Variants in HTR1E observed in about 807,000 individuals in gnomAD.
HTR1E encodes 5-hydroxytryptamine receptor 1E.
In HTR1E, 3 loss-of-function variants were observed where a neutral mutation model predicts 3.4. The ratio of observed to expected loss-of-function variants is 0.89; its 90% confidence interval spans 0.41 to 2.31. HTR1E has a LOEUF of 2.31. HTR1E is among the 30% of genes most tolerant of loss of function. The probability of loss-of-function intolerance (pLI) is 0.05; values close to 1 mark genes in which losing one functional copy is unlikely to be tolerated. For synonymous variants in HTR1E, 170 were observed against 182.8 expected (o/e 0.93, Z 0.56); for missense variants, 392 against 467.0 (o/e 0.84, Z 1.48).
chr6:86,967,272 A>G (rs1015117026), intron 1 of HTR1E, among the ~76,000 whole-genome samples: 8 of 152,198 alleles, frequency 5.3e-5, no homozygotes, highest in Non-Finnish European at 1.0e-4. Context: ...GTGGTATTTG[A>G]AAGAAGAAAA....
chr6:86,951,371 A>C (rs1029488836), intron 1 of HTR1E, among the ~76,000 whole-genome samples: 4 of 152,168 alleles, frequency 2.6e-5, no homozygotes, highest in African/African-American at 9.7e-5. Flanking sequence ...AGAGCTTTTA[A>C]ATTTTTTGCC....
At chr6:86,986,739 C>T (rs1767794217) in intron 1 of HTR1E, among the ~76,000 whole-genome samples, 1 of 152,042 alleles carries the variant, frequency 6.6e-6, no homozygotes, top group South Asian at 2.1e-4. Flanking sequence ...ATATTAGTAC[C>T]CTATCAAATT....
At chr6:86,963,492 G>C (rs931905083) in intron 1 of HTR1E, among the ~76,000 whole-genome samples, 1 of 152,258 alleles carries the variant, frequency 6.6e-6, no homozygotes, top group East Asian at 1.9e-4. Flanking sequence ...ACAGTGTTTA[G>C]AAAGTCTACA....
intron 1 of HTR1E, among the ~76,000 whole-genome samples, chr6:86,970,037 A>G (rs2127822580): frequency 6.6e-6 from 1 of 152,324 alleles, no homozygotes; most frequent in Non-Finnish European, 1.5e-5. Flanking sequence ...TTATTTCATT[A>G]CTAATAAATT....
At chr6:86,986,916 A>G (rs1195382459) in intron 1 of HTR1E, among the ~76,000 whole-genome samples, 1 of 152,182 alleles carries the variant, frequency 6.6e-6, no homozygotes, top group Non-Finnish European at 1.5e-5. Context: ...GGCCTCTTTC[A>G]TAACCATACT....
At chr6:86,972,166 T>C (rs1430910465) in intron 1 of HTR1E, among the ~76,000 whole-genome samples, 1 of 152,246 alleles carries the variant, frequency 6.6e-6, no homozygotes, top group East Asian at 1.9e-4. Flanking sequence ...AATATTCTCA[T>C]GTTTCAATTG....
chr6:86,956,661 C>A (rs1242108555), intron 1 of HTR1E, among the ~76,000 whole-genome samples: 3 of 152,058 alleles, frequency 2.0e-5, no homozygotes. Flanking sequence ...GTTCTCCGAC[C>A]CTCCTGAAGC....
intron 1 of HTR1E, chr6:87,000,282 A>G (rs895001504): frequency 6.6e-6 from 1 of 152,170 alleles, no homozygotes; most frequent in East Asian, 1.9e-4. Context: ...TCCCAGATCA[A>G]TGACTGCTGA....
intron 1 of HTR1E, among the ~76,000 whole-genome samples, chr6:86,941,598 C>G (rs374600169): frequency 6.6e-6 from 1 of 152,160 alleles, no homozygotes; most frequent in African/African-American, 2.4e-5. Flanking sequence ...GCTATGAAAC[C>G]TAATCCTTCT....
chr6:87,014,349 C>A (rs1040952447), intron 1 of HTR1E, among the ~76,000 whole-genome samples: 2 of 151,772 alleles, frequency 1.3e-5, no homozygotes, highest in Admixed American at 1.3e-4. Context: ...TGCTTTTACA[C>A]TGTTGGTGGG....
intron 1 of HTR1E, among the ~76,000 whole-genome samples, chr6:87,013,869 G>A (rs1402379026): frequency 6.6e-6 from 1 of 152,058 alleles, no homozygotes. Flanking sequence ...AAACATTTAT[G>A]CAACCAACAA....
intron 1 of HTR1E, among the ~76,000 whole-genome samples, chr6:87,011,553 C>A (rs1032553120): frequency 1.1e-4 from 16 of 152,118 alleles, no homozygotes; most frequent in African/African-American, 3.6e-4. Flanking sequence ...AAAGTCTTAG[C>A]AAAACTTTGT....
chr6:87,009,712 C>A (rs867623935), intron 1 of HTR1E, among the ~76,000 whole-genome samples: 5 of 146,004 alleles, frequency 3.4e-5, no homozygotes, highest in Non-Finnish European at 7.5e-5. Flanking sequence ...ACCTCCCTCC[C>A]GGACAGGGCG....
At position 87,016,259 on chromosome 6, in the gene HTR1E, A is replaced by C. The variant is rs1562076730; in HGVS notation, c.925A>C (p.Ile309Leu). 1 of 1,613,232 alleles carries C rather than the reference A, an allele frequency of 6.2e-7. No individual in the cohort carries two copies. ...AFILSWLPFF[I>L]KELIVGLSIY... Reference sequence around the variant, plus strand: ...CATTTTATCCTGGCTGCCATTTTTCATCAAAGAGTTGATTGTGGGTCTGAG... The same window carrying C: ...CATTTTATCCTGGCTGCCATTTTTCCTCAAAGAGTTGATTGTGGGTCTGAG... The change falls in exon 2 of 2, where the codon ATC becomes CTC. Residue 309 changes from isoleucine (I) to leucine (L), a missense_variant. Ile to Leu is a conservative substitution (Grantham distance 5, BLOSUM62 2). Coordinates refer to ENST00000305344, the MANE Select transcript of HTR1E (RefSeq NM_000865.3).
intron 1 of HTR1E, among the ~76,000 whole-genome samples, chr6:86,940,025 G>A (rs1000687702): frequency 6.6e-6 from 1 of 152,146 alleles, no homozygotes; most frequent in Non-Finnish European, 1.5e-5. Flanking sequence ...TTCAGAAGTG[G>A]TGCCTAGGAA....
At chr6:86,987,951 C>A (rs1027293269) in intron 1 of HTR1E, among the ~76,000 whole-genome samples, 16 of 152,262 alleles carry the variant, frequency 1.1e-4, no homozygotes, top group African/African-American at 3.8e-4. Flanking sequence ...CAACACCTGA[C>A]TTTCGGAGAG....
chr6:86,942,810 G>A (rs746961050), intron 1 of HTR1E, among the ~76,000 whole-genome samples: 1 of 152,204 alleles, frequency 6.6e-6, no homozygotes, highest in Non-Finnish European at 1.5e-5. Context: ...TGGAGAACCA[G>A]ACTGTACTGA....
chr6:87,014,496 C>T (rs780966620), intron 1 of HTR1E, among the ~76,000 whole-genome samples: 5 of 152,084 alleles, frequency 3.3e-5, no homozygotes, highest in Non-Finnish European at 7.4e-5. Context: ...ACTCTAAAGA[C>T]ACATGGACAT....
chr6:86,994,687 CA>C (rs1421752940), intron 1 of HTR1E, among the ~76,000 whole-genome samples: 2 of 151,892 alleles, frequency 1.3e-5, no homozygotes, highest in Non-Finnish European at 2.9e-5. Context: ...AGGAAAAAAA[CA>C]GAAAGAGTGA....
Sources: allele counts gnomAD v4.1 joint callset (sites outside exome capture counted in the v4.1 genomes callset), GRCh38; gene constraint gnomAD v4.1.1; transcripts MANE v1.5; gene names NCBI Gene and HGNC (gene_info 2026-07-23, HGNC 2026-07-21).